The following HNRNPUL2 variants were observed in gnomAD, a reference collection of about 807,000 sequenced individuals.
HNRNPUL2 encodes the protein heterogeneous nuclear ribonucleoprotein U like 2, also known as heterogeneous nuclear ribonucleoprotein U-like protein 2.
A neutral mutation model predicts 102.2 loss-of-function variants in HNRNPUL2; 27 were observed. That is an observed-to-expected ratio of 0.26 (90% CI 0.19 to 0.36). The LOEUF is 0.36. Among genes scored for constraint, HNRNPUL2 ranks in the 10% least tolerant of loss-of-function variants. The pLI is 1.00. For synonymous variants in HNRNPUL2, 458 were observed against 387.2 expected, an observed-to-expected ratio of 1.18 and a Z score of -2.15; for missense variants, 936 against 981.1, an observed-to-expected ratio of 0.95 and a Z score of 0.61.
intron 5 of HNRNPUL2, 29 bp downstream of exon 5, chr11:62,722,784 T>A (rs779333438): frequency 7.5e-6 from 12 of 1,610,040 alleles, no homozygotes; most frequent in Non-Finnish European, 6.8e-6. Context: ...TAGTAAACAC[T>A]AATGAGGAAC....
chr11:62,724,259 C>T (rs2083726737), intron 2 of HNRNPUL2, 32 bp downstream of exon 2: 2 of 1,612,918 alleles, frequency 1.2e-6, no homozygotes, highest in Non-Finnish European at 1.7e-6. Flanking sequence ...AGAGCAGACA[C>T]TCCCTTCAAC....
Position 62,721,958 on chromosome 11 carries a change from C to A in HNRNPUL2, c.1360-16G>T. The A allele has an allele frequency of 6.2e-7, 1 of 1,612,524 alleles. No homozygotes were observed. Among genetic ancestry groups the A allele is most frequent in the Non-Finnish European group, 8.5e-7 (1 of 1,179,488 alleles). ...TCAGAATCACCTGCAAAAAACAGAA[C>A]CAGAAATATAATGAAAAATAAATGA... On this transcript the variant is annotated splice_polypyrimidine_tract_variant and intron_variant, in intron 7 of 13. Coordinates refer to ENST00000301785, the MANE Select transcript of HNRNPUL2 (RefSeq NM_001079559.3).
At chr11:62,719,355 G>A (rs1325843593) in intron 10 of HNRNPUL2, among the ~76,000 whole-genome samples, 4 of 152,184 alleles carry the variant, frequency 2.6e-5, no homozygotes, top group African/African-American at 9.7e-5. Flanking sequence ...GGAGGCTGAA[G>A]CAAGAGGATC....
chr11:62,719,481 A>G (rs866843596), intron 10 of HNRNPUL2, among the ~76,000 whole-genome samples: 4 of 152,144 alleles, frequency 2.6e-5, no homozygotes, highest in South Asian at 4.1e-4. Context: ...CAAGAAAACA[A>G]TGAGTCAAAA....
chr11:62,726,894 G>C lies in HNRNPUL2; in HGVS notation c.263C>G (p.Ala88Gly). ...CTCCTCGTCCTCGTCCTCAAGCAGCGCCTCCTCGTCCTCCTCCTCCTCCTC... is the reference window on the plus strand; with the variant it reads ...CTCCTCGTCCTCGTCCTCAAGCAGCCCCTCCTCGTCCTCCTCCTCCTCCTC... ...DEEEEEEDEE[A>G]LLEDEDEEPP... is the part of the protein sequence containing the mutation. The change falls in exon 1 of 14, where the codon GCG (alanine) becomes GGG (glycine). Residue 88 changes from alanine (A) to glycine (G), a missense_variant. Physicochemically the swap from Ala to Gly is moderately conservative, Grantham distance 60. Coordinates refer to ENST00000301785, the MANE Select transcript of HNRNPUL2 (RefSeq NM_001079559.3). 6.4e-7 allele frequency: 1 copy of C among 1,566,264 alleles called. No individual in the cohort carries two copies. The highest frequency in any genetic ancestry group is 8.6e-7 in the Non-Finnish European group (1 of 1,165,964).
At position 62,727,173 on chromosome 11, in the gene HNRNPUL2, T is replaced by TCCGCCTCCC. The variant is rs1398270103; in HGVS notation, c.-26_-18dup. The TCCGCCTCCC allele has an allele frequency of 2.8e-5, 39 of 1,401,860 alleles. No individual in the cohort carries two copies. In the Admixed American group the frequency reaches 9.8e-4, roughly 35 times the overall value. The allele number at this position is 1,401,860 out of a possible 1,614,324, so 86.8% of individuals were successfully genotyped here. A position where few individuals can be genotyped will look rare whatever the true frequency, so the allele number is the denominator to read the frequency against. ...CACCTCCATCGCCGCCGCCGCCTCC[T>TCCGCCTCCC]CCGCCTCCCGCCGCCTCCTCCCCTG... On this transcript the variant is annotated 5_prime_UTR_variant, in exon 1 of 14. Coordinates refer to ENST00000301785, the MANE Select transcript of HNRNPUL2 (RefSeq NM_001079559.3).
At position 62,724,185 on chromosome 11, in the gene HNRNPUL2, C is replaced by G. The variant is rs552240421; in HGVS notation, c.674+106G>C. 5.3e-5 allele frequency: 76 copies of G among 1,445,586 alleles called. No homozygotes were observed. The African/African-American group carries it at 1.0e-3, about 20-fold the overall frequency. 89.5% of individuals were successfully genotyped at this position (1,445,586 alleles called of 1,614,324 possible). ...AATCTAAAACTCATGCCTATAAAAA[C>G]CTATTCCATTTTGAATCCACCCTCC... On this transcript the variant is annotated intron_variant, in intron 2 of 13. Transcript: ENST00000301785.
intron 7 of HNRNPUL2, 76 bp from the exon 8 acceptor site, chr11:62,722,018 C>T: frequency 6.2e-7 from 1 of 1,604,464 alleles, no homozygotes; most frequent in East Asian, 2.2e-5. Context: ...TAAGAACATC[C>T]TCCCATTCCT....
At chr11:62,724,737 T>C (rs749944490) in intron 1 of HNRNPUL2, among the ~76,000 whole-genome samples, 1 of 152,230 alleles carries the variant, frequency 6.6e-6, no homozygotes, top group Non-Finnish European at 1.5e-5. Flanking sequence ...CAATATGACA[T>C]AAAAAATATC....
In HNRNPUL2 at chr11:62,720,186, A is replaced by G. The variant is rs750346778; in HGVS notation, c.1617T>C (p.Asn539=). Residue 539 remains asparagine (N), a synonymous_variant, in exon 10 of 14, where the codon AAT becomes AAC. Coordinates refer to ENST00000301785, the MANE Select transcript of HNRNPUL2 (RefSeq NM_001079559.3). The part of the protein sequence containing the change: ...TKRNFILDQC[N]VYNSGQRRKL... The stretch of plus-strand genomic sequence containing the variant: ...TCCGCCGTTGGCCAGAATTGTACAC[A>G]TTACACTAAGAACAGGAGGAATAAC... 4.3e-6 allele frequency: 7 copies of G among 1,613,494 alleles called. No homozygotes were observed. Among genetic ancestry groups the G allele is most frequent in the African/African-American group, 1.3e-5 (1 of 74,918 alleles).
At position 62,724,419 on chromosome 11, in the gene HNRNPUL2, G is replaced by A; in HGVS notation, c.546C>T (p.Asp182=). The change falls in exon 2 of 14, where the codon GAC becomes GAT. Residue 182 remains aspartate, a synonymous_variant. Transcript: ENST00000301785. ...CTGGTTTTGACTTTTCACTATCCTG[G>A]TCATCTCCTACAAAAACGAGGGAAA... ...GDKAAEEQGD[D]QDSEKSKPAG... 6.2e-7 allele frequency: 1 copy of A among 1,614,084 alleles called. No individual in the cohort carries two copies. Among genetic ancestry groups the A allele is most frequent in the Non-Finnish European group, 8.5e-7 (1 of 1,180,022 alleles).
Position 62,723,747 on chromosome 11 carries a change from A to G in HNRNPUL2, c.752-21T>C, listed in dbSNP as rs750940375. The G allele has an allele frequency of 2.5e-6, 4 of 1,613,946 alleles. No homozygotes were observed. The Admixed American group carries it at 5.0e-5, about 20-fold the overall frequency. ...GGTATCTGTAAAGAAAGAAGCAATC[A>G]GTTTACTCCAATGTCCAATACTTGT... On this transcript the variant is annotated intron_variant, in intron 3 of 13. Coordinates refer to ENST00000301785, the MANE Select transcript of HNRNPUL2 (RefSeq NM_001079559.3).
At chr11:62,722,060 T>C in intron 7 of HNRNPUL2, 57 bp downstream of exon 7, 1 of 1,602,722 alleles carries the variant, frequency 6.2e-7, no homozygotes. Flanking sequence ...CTGGAGAGCA[T>C]ACGCACCCAC....
chr11:62,722,103 A>T lies in HNRNPUL2; in HGVS notation c.1359+14T>A, dbSNP rs200764728. The T allele has an allele frequency of 6.2e-7, 1 of 1,611,898 alleles. No individual in the cohort carries two copies. Among genetic ancestry groups the T allele is most frequent in the Admixed American group, 1.7e-5 (1 of 59,984 alleles). On this transcript the variant is annotated intron_variant, in intron 7 of 13. Transcript: ENST00000301785. ...AAGCATACAACCTCAGTGTTCGTAT[A>T]CTGTTTGGCATACCTCACATTCCTC...
intron 7 of HNRNPUL2, 79 bp downstream of exon 7, chr11:62,722,038 C>T (rs940265821): frequency 1.6e-5 from 25 of 1,599,550 alleles, no homozygotes; most frequent in East Asian, 8.9e-5. Flanking sequence ...TGTTTGGTAA[C>T]GCTCTGAGAC....
At chr11:62,722,578 C>A (rs1217071596) in intron 6 of HNRNPUL2, 23 bp downstream of exon 6, 3 of 1,585,156 alleles carry the variant, frequency 1.9e-6, no homozygotes, top group Non-Finnish European at 2.6e-6. Flanking sequence ...TTGTTATAAC[C>A]CACAACTTTC....
In HNRNPUL2 at chr11:62,713,778, A is replaced by G. The variant is rs1189618593; in HGVS notation, c.*1521T>C. ...TAGTGGCACAGATTTTCTCACTAGG[A>G]ACTGCTGCAGTATGTGGTGTCTGCT... On this transcript the variant is annotated 3_prime_UTR_variant, in exon 14 of 14. Transcript: ENST00000301785. The G allele has an allele frequency of 2.0e-5, 3 of 152,272 alleles. No individual in the cohort carries two copies. The allele number at this position is 152,272 out of a possible 1,614,324, so 9.4% of individuals were successfully genotyped here.
At chr11:62,716,940 G>A (rs1189921279) in intron 11 of HNRNPUL2, 49 bp downstream of exon 11, 1 of 1,599,944 alleles carries the variant, frequency 6.3e-7, no homozygotes, top group Non-Finnish European at 8.6e-7. Flanking sequence ...GCTGTACTAA[G>A]CACAAAGAAT....
intron 1 of HNRNPUL2, among the ~76,000 whole-genome samples, chr11:62,725,706 C>G (rs1461955367): frequency 6.6e-6 from 1 of 152,186 alleles, no homozygotes; most frequent in Non-Finnish European, 1.5e-5. Context: ...TATAGTAAGA[C>G]TTATCCTCCC....
Sources: allele counts gnomAD v4.1 joint callset (sites outside exome capture counted in the v4.1 genomes callset), GRCh38; gene constraint gnomAD v4.1.1; transcripts MANE v1.5; gene names NCBI Gene and HGNC (gene_info 2026-07-23, HGNC 2026-07-21).